GRIA4: variants seen among roughly 807,000 people sequenced by gnomAD.
GRIA4 encodes glutamate ionotropic receptor AMPA type subunit 4, also known as glutamate receptor 4.
GRIA4 carries 34 observed loss-of-function variants against 104.0 expected under a neutral mutation model. The observed-to-expected ratio is 0.33, with a 90% CI of 0.25 to 0.44. GRIA4 has a LOEUF of 0.44. Ranked by LOEUF, GRIA4 falls within the 20% of genes least tolerant of loss-of-function variation. The pLI is 1.00. For synonymous variants in GRIA4, 386 were observed against 381.9 expected (o/e 1.01, Z -0.13); for missense variants, 750 against 1,096.5 (o/e 0.68, Z 4.46).
chr11:105,937,851 C>A (rs957512128), intron 14 of GRIA4, among the ~76,000 whole-genome samples: 1 of 152,058 alleles, frequency 6.6e-6, no homozygotes, highest in African/African-American at 2.4e-5. Flanking sequence ...AAAATGAGGC[C>A]CAGTTGTACT....
At chr11:105,961,434 A>G (rs1948742176) in intron 14 of GRIA4, among the ~76,000 whole-genome samples, 2 of 152,216 alleles carry the variant, frequency 1.3e-5, no homozygotes, top group African/African-American at 4.8e-5. Flanking sequence ...ATTAAGGACT[A>G]TGAAAAAACC....
chr11:105,749,510 G>C (rs1221006169), intron 3 of GRIA4, among the ~76,000 whole-genome samples: 1 of 152,206 alleles, frequency 6.6e-6, no homozygotes, highest in Non-Finnish European at 1.5e-5. Flanking sequence ...ATGCTGCAAT[G>C]GTCAGTAAAA....
At chr11:105,704,792 C>T (rs1201629338) in intron 3 of GRIA4, among the ~76,000 whole-genome samples, 1 of 152,028 alleles carries the variant, frequency 6.6e-6, no homozygotes, top group Non-Finnish European at 1.5e-5. Context: ...AGAAGACATC[C>T]CCTTTCTTGT....
intron 4 of GRIA4, among the ~76,000 whole-genome samples, chr11:105,764,469 C>A (rs1940838008): frequency 6.6e-6 from 1 of 151,852 alleles, no homozygotes. Flanking sequence ...TTTATATTAC[C>A]TACATTATTT....
intron 3 of GRIA4, among the ~76,000 whole-genome samples, chr11:105,715,997 G>A (rs1186767313): frequency 1.3e-5 from 2 of 152,194 alleles, no homozygotes; most frequent in Non-Finnish European, 2.9e-5. Flanking sequence ...GAAGAGGAAA[G>A]TAGACATACA....
chr11:105,719,367 G>A (rs1347686407), intron 3 of GRIA4, among the ~76,000 whole-genome samples: 5 of 152,114 alleles, frequency 3.3e-5, no homozygotes, highest in Non-Finnish European at 4.4e-5. Flanking sequence ...TAAGATTCCC[G>A]ATCATTGGTG....
At chr11:105,741,779 TA>T (rs1272361680) in intron 3 of GRIA4, among the ~76,000 whole-genome samples, 5 of 152,146 alleles carry the variant, frequency 3.3e-5, no homozygotes, top group Non-Finnish European at 7.3e-5. Context: ...TGTGTATGTT[TA>T]AGATATATAA....
At chr11:105,798,939 T>G (rs948594632) in intron 4 of GRIA4, among the ~76,000 whole-genome samples, 9 of 152,116 alleles carry the variant, frequency 5.9e-5, no homozygotes, top group African/African-American at 2.2e-4. Flanking sequence ...TATGTTGGTA[T>G]GGAATTCAGA....
chr11:105,720,202 T>G lies in GRIA4; in HGVS notation c.248-32779T>G, dbSNP rs527376828. ...GTGAATTTCCTCATAAAATTTCATG[T>G]TTTTTTTCTGGCTTTTCCCAGAACA... On this transcript the variant is annotated intron_variant, in intron 3 of 16. Coordinates refer to ENST00000282499, the MANE Select transcript of GRIA4 (RefSeq NM_000829.4). Among the ~76,000 whole-genome samples the G allele has an allele frequency of 5.9e-5, 9 of 151,600 alleles. No individual in the cohort carries two copies. The East Asian group carries it at 1.2e-3, about 20-fold the overall frequency.
chr11:105,643,699 T>C (rs1045524767), intron 3 of GRIA4, among the ~76,000 whole-genome samples: 12 of 152,026 alleles, frequency 7.9e-5, no homozygotes, highest in Admixed American at 5.9e-4. Flanking sequence ...GGTTTTTAAA[T>C]TTTTTTTGGT....
chr11:105,645,430 A>G (rs1172870551), intron 3 of GRIA4, among the ~76,000 whole-genome samples: 2 of 152,202 alleles, frequency 1.3e-5, no homozygotes, highest in Admixed American at 6.5e-5. Context: ...GAATAACCAA[A>G]TAAAGCAACA....
chr11:105,959,554 T>C (rs1948681312), intron 14 of GRIA4, among the ~76,000 whole-genome samples: 1 of 152,198 alleles, frequency 6.6e-6, no homozygotes, highest in Admixed American at 6.5e-5. Flanking sequence ...AACATGCATT[T>C]TTAGCTCATC....
intron 3 of GRIA4, among the ~76,000 whole-genome samples, chr11:105,635,701 G>A (rs1951185152): frequency 6.6e-6 from 1 of 152,110 alleles, no homozygotes; most frequent in African/African-American, 2.4e-5. Context: ...CAACCAAACA[G>A]TCCCTTTCAG....
chr11:105,951,665 T>C (rs1948460331), intron 14 of GRIA4, among the ~76,000 whole-genome samples: 1 of 152,194 alleles, frequency 6.6e-6, no homozygotes, highest in South Asian at 2.1e-4. Context: ...AAATTTTTAT[T>C]GGTTTCACAT....
At position 105,771,909 on chromosome 11, in the gene GRIA4, A is replaced by C. The variant is rs532763930; in HGVS notation, c.487+18689A>C. Among the ~76,000 whole-genome samples the C allele has an allele frequency of 2.0e-5, 3 of 152,234 alleles. No homozygotes were observed. In the South Asian group the frequency reaches 6.2e-4, roughly 32 times the overall value. ...TAAAATATATATAAATCTATTATAA[A>C]AATTAAAATGTATCAAAACTTACAC... On this transcript the variant is annotated intron_variant, in intron 4 of 16. Coordinates refer to ENST00000282499, the MANE Select transcript of GRIA4 (RefSeq NM_000829.4).
intron 4 of GRIA4, among the ~76,000 whole-genome samples, chr11:105,756,117 C>T (rs995331049): frequency 5.3e-5 from 8 of 152,038 alleles, no homozygotes; most frequent in Admixed American, 3.3e-4. Context: ...TAATAAGATG[C>T]CTAAAAACCC....
chr11:105,897,555 G>A (rs1030249363), intron 6 of GRIA4, among the ~76,000 whole-genome samples: 3 of 152,002 alleles, frequency 2.0e-5, no homozygotes, highest in Admixed American at 1.3e-4. Context: ...TGTCATAGAT[G>A]GCTCTAATTA....
intron 3 of GRIA4, among the ~76,000 whole-genome samples, chr11:105,617,986 A>G (rs1483083325): frequency 6.6e-6 from 1 of 151,992 alleles, no homozygotes; most frequent in Admixed American, 6.6e-5. Context: ...ATATTGCCTG[A>G]TCTGGGTGTT....
chr11:105,937,275 C>T (rs907480522), intron 14 of GRIA4, among the ~76,000 whole-genome samples: 3 of 152,112 alleles, frequency 2.0e-5, no homozygotes, highest in African/African-American at 7.2e-5. Context: ...ACACTATCAA[C>T]TTTAATATAC....
Sources: gnomAD v4.1 joint callset for allele counts (sites outside exome capture counted in the v4.1 genomes callset) on GRCh38, gnomAD v4.1.1 for gene constraint, MANE v1.5 for transcripts, NCBI Gene and HGNC (gene_info 2026-07-23, HGNC 2026-07-21) for gene names.